LDLRAD3: variants seen among roughly 807,000 people sequenced by gnomAD.
LDLRAD3 encodes low density lipoprotein receptor class A domain containing 3.
Under a neutral mutation model 29.4 loss-of-function variants are expected in LDLRAD3, and 20 were observed. That is an observed-to-expected ratio of 0.68 (90% CI 0.48 to 0.99). The LOEUF is 0.99. Ranked by LOEUF, LDLRAD3 falls within the 50% of genes least tolerant of loss-of-function variation. The pLI is 0.00. For missense variants in LDLRAD3, 420 were observed against 454.3 expected (o/e 0.92, Z 0.69); for synonymous variants, 157 against 192.7 (o/e 0.81, Z 1.53).
chr11:36,143,790 A>AT (rs755817620), intron 4 of LDLRAD3, among the ~76,000 whole-genome samples: 21 of 152,160 alleles, frequency 1.4e-4, no homozygotes, highest in South Asian at 4.2e-4. Flanking sequence ...ATGTCTTCAC[A>AT]TTAGATTAGA....
intron 1 of LDLRAD3, among the ~76,000 whole-genome samples, chr11:36,023,462 G>T (rs902165490): frequency 6.6e-6 from 1 of 152,178 alleles, no homozygotes; most frequent in Admixed American, 6.5e-5. Context: ...GGATTCTCTG[G>T]CTAGCTCCAG....
intron 4 of LDLRAD3, among the ~76,000 whole-genome samples, chr11:36,169,617 C>T (rs1032849872): frequency 2.3e-4 from 35 of 152,204 alleles, no homozygotes; most frequent in African/African-American, 8.0e-4. Context: ...TCATTTGTTA[C>T]TGCAAATGAC....
intron 2 of LDLRAD3, among the ~76,000 whole-genome samples, chr11:36,056,746 T>C (rs1852626918): frequency 6.6e-6 from 1 of 152,194 alleles, no homozygotes; most frequent in African/African-American, 2.4e-5. Flanking sequence ...GGAGATTTCT[T>C]TGAGGAACAC....
At chr11:36,158,615 G>T (rs1216799398) in intron 4 of LDLRAD3, among the ~76,000 whole-genome samples, 1 of 140,534 alleles carries the variant, frequency 7.1e-6, no homozygotes, top group Admixed American at 7.7e-5. Context: ...CTCTGTCTCT[G>T]CCCACTACCA....
At position 36,229,856 on chromosome 11, in the gene LDLRAD3, A is replaced by AC. The variant is rs111713709; in HGVS notation, c.*466dup. On this transcript the variant is annotated 3_prime_UTR_variant, in exon 6 of 6. Coordinates refer to ENST00000315571, the MANE Select transcript of LDLRAD3 (RefSeq NM_174902.4). ...ACCAGGAGGCCATCACTGGATGGTC[A>AC]CCCCCCCAAAAAAATTCCATTTGAG... 1.3e-4 allele frequency: 21 copies of AC among 155,788 alleles called. No homozygotes were observed. Among genetic ancestry groups the AC allele is most frequent in the African/African-American group, 2.4e-4 (10 of 41,518 alleles). 9.7% of individuals were successfully genotyped at this position (155,788 alleles called of 1,614,324 possible).
intron 4 of LDLRAD3, among the ~76,000 whole-genome samples, chr11:36,156,665 A>G (rs1370424242): frequency 4.6e-5 from 7 of 152,238 alleles, no homozygotes. Context: ...TTATTTGGCA[A>G]CAATAACTTC....
intron 4 of LDLRAD3, among the ~76,000 whole-genome samples, chr11:36,191,627 CG>C (rs1343819767): frequency 7.8e-6 from 1 of 128,516 alleles, no homozygotes; most frequent in African/African-American, 3.9e-5. Context: ...CACACACGCA[CG>C]CACGCACGCA....
At chr11:36,222,165 G>C (rs1855437883) in intron 4 of LDLRAD3, among the ~76,000 whole-genome samples, 1 of 152,106 alleles carries the variant, frequency 6.6e-6, no homozygotes, top group Non-Finnish European at 1.5e-5. Context: ...AAACTCCTGG[G>C]TTCAAGAGAT....
chr11:36,097,460 C>T (rs1382789358), intron 3 of LDLRAD3, among the ~76,000 whole-genome samples: 2 of 152,184 alleles, frequency 1.3e-5, no homozygotes, highest in Non-Finnish European at 2.9e-5. Flanking sequence ...CTCTTGCCTC[C>T]TCCAGGATAT....
chr11:36,095,896 C>T lies in LDLRAD3; in HGVS notation c.320-2431C>T, dbSNP rs568449433. On this transcript the variant is annotated intron_variant, in intron 3 of 5. Transcript: ENST00000315571. ...AGGTCCTAGAGAAGCTGAAGGCCAC[C>T]ACGGTGGGATGTTGATGGACACAAG... Among the ~76,000 whole-genome samples, 120 of 152,240 alleles carry T rather than the reference C, an allele frequency of 7.9e-4. 2 individuals carry two copies. In the South Asian group the frequency reaches 0.024, roughly 31 times the overall value.
intron 1 of LDLRAD3, among the ~76,000 whole-genome samples, chr11:35,945,920 G>A (rs1302309479): frequency 6.6e-6 from 1 of 152,206 alleles, no homozygotes; most frequent in African/African-American, 2.4e-5. Context: ...GTCATAGCAA[G>A]GAGCAGACGG....
intron 1 of LDLRAD3, among the ~76,000 whole-genome samples, chr11:35,999,801 G>T (rs1851800707): frequency 6.6e-6 from 1 of 152,158 alleles, no homozygotes; most frequent in Admixed American, 6.5e-5. Context: ...CCTCCCCAAG[G>T]GATGATGGTG....
chr11:36,116,692 A>T (rs912214717), intron 4 of LDLRAD3, among the ~76,000 whole-genome samples: 1 of 151,928 alleles, frequency 6.6e-6, no homozygotes, highest in Admixed American at 6.6e-5. Context: ...ATAAAAAAAT[A>T]AAAAAATAAC....
At chr11:36,058,196 C>T (rs1383638828) in intron 2 of LDLRAD3, among the ~76,000 whole-genome samples, 2 of 152,166 alleles carry the variant, frequency 1.3e-5, no homozygotes, top group East Asian at 1.9e-4. Context: ...TCCTGCTCTC[C>T]GCCCGCCAGC....
At chr11:36,052,388 G>A (rs924920084) in intron 2 of LDLRAD3, among the ~76,000 whole-genome samples, 2 of 152,206 alleles carry the variant, frequency 1.3e-5, no homozygotes, top group Admixed American at 6.5e-5. Context: ...GACTTTATCT[G>A]AGCCAGAAAT....
chr11:35,959,484 A>G (rs1851248785), intron 1 of LDLRAD3, among the ~76,000 whole-genome samples: 1 of 152,238 alleles, frequency 6.6e-6, no homozygotes, highest in African/African-American at 2.4e-5. Context: ...GGGTGCTTTA[A>G]AATATATTTT....
intron 1 of LDLRAD3, among the ~76,000 whole-genome samples, chr11:36,020,350 G>A (rs1391181984): frequency 6.6e-6 from 1 of 152,150 alleles, no homozygotes; most frequent in African/African-American, 2.4e-5. Context: ...TATTATCTGA[G>A]CGTGAAGAGA....
chr11:35,958,718 C>A (rs747265544), intron 1 of LDLRAD3, among the ~76,000 whole-genome samples: 6 of 152,132 alleles, frequency 3.9e-5, no homozygotes, highest in Non-Finnish European at 7.4e-5. Context: ...AATTAACTAC[C>A]CCCTACATTT....
chr11:36,177,836 T>C (rs1000634144), intron 4 of LDLRAD3, among the ~76,000 whole-genome samples: 2 of 152,214 alleles, frequency 1.3e-5, no homozygotes, highest in Non-Finnish European at 2.9e-5. Context: ...AAGGAGGTGA[T>C]GCTTTCAAGA....
Sources: gnomAD v4.1 joint callset for allele counts (sites outside exome capture counted in the v4.1 genomes callset) on GRCh38, gnomAD v4.1.1 for gene constraint, MANE v1.5 for transcripts, NCBI Gene and HGNC (gene_info 2026-07-23, HGNC 2026-07-21) for gene names.